MECR: variants seen among roughly 807,000 people sequenced by gnomAD.
The protein encoded by MECR is mitochondrial trans-2-enoyl-CoA reductase, also known as enoyl-[acyl-carrier-protein] reductase, mitochondrial.
A neutral mutation model predicts 49.1 loss-of-function variants in MECR; 37 were observed. The ratio of observed to expected loss-of-function variants is 0.75; its 90% CI spans 0.58 to 0.99. The LOEUF is 0.99. Ranked by LOEUF, MECR falls within the 50% of genes least tolerant of loss-of-function variation. MECR has a pLI of 0.00. For missense variants in MECR, 470 were observed against 479.6 expected (o/e 0.98, Z 0.19); for synonymous variants, 198 against 191.1 (o/e 1.04, Z -0.30).
chr1:29,204,605 A>C (rs983549053), intron 4 of MECR, among the ~76,000 whole-genome samples: 4 of 152,200 alleles, frequency 2.6e-5, no homozygotes, highest in Non-Finnish European at 5.9e-5. Flanking sequence ...AATTCTTACC[A>C]TGTGTCAAGA....
intron 1 of MECR, chr1:29,228,872 T>C (rs551550382): frequency 1.3e-5 from 2 of 152,276 alleles, no homozygotes; most frequent in Non-Finnish European, 2.9e-5. Flanking sequence ...ACTAACATTT[T>C]AGGAGCACCT....
chr1:29,219,451 C>T (rs1218447297), intron 1 of MECR, among the ~76,000 whole-genome samples: 1 of 152,154 alleles, frequency 6.6e-6, no homozygotes, highest in Non-Finnish European at 1.5e-5. Flanking sequence ...CCCTTCAAGG[C>T]CCAGTTCAAA....
chr1:29,170,204 G>A, the MECR span: 1 of 152,170 alleles, frequency 6.6e-6, no homozygotes, highest in East Asian at 1.9e-4. Flanking sequence ...ACTATTGCCT[G>A]ATGACAAGAA....
chr1:29,190,493 T>C (rs569181348), downstream of MECR, among the ~76,000 whole-genome samples: 57 of 151,904 alleles, frequency 3.8e-4, no homozygotes, highest in African/African-American at 1.2e-3. Context: ...AGGCCTGCTA[T>C]ATTTTAAAGA....
chr1:29,168,658 A>T, the MECR span: 1 of 152,194 alleles, frequency 6.6e-6, no homozygotes, highest in Non-Finnish European at 1.5e-5. Flanking sequence ...TAGAGGAAAA[A>T]TAAGATTATT....
chr1:29,216,465 C>T, intron 2 of MECR, 123 bp downstream of exon 2: 1 of 1,030,946 alleles, frequency 9.7e-7, no homozygotes, highest in Non-Finnish European at 1.5e-6. Context: ...CTGCAGACGG[C>T]TCATCTGGAG....
chr1:29,169,597 T>C, the MECR span: 1 of 152,092 alleles, frequency 6.6e-6, no homozygotes, highest in African/African-American at 2.4e-5. Flanking sequence ...AGGTAACAAA[T>C]CATTAAGAAA....
chr1:29,201,318 G>C lies in MECR; in HGVS notation c.756+625C>G, dbSNP rs1050198068. 8 of 513,286 alleles carry C rather than the reference G, an allele frequency of 1.6e-5. No homozygotes were observed. In the East Asian group the frequency reaches 3.3e-4, roughly 21 times the overall value. The allele number at this position is 513,286 out of a possible 1,614,324, so 31.8% of individuals were successfully genotyped here. On this transcript the variant is annotated intron_variant, in intron 6 of 9. Coordinates refer to ENST00000263702, the MANE Select transcript of MECR (RefSeq NM_016011.5). This position sits in a 1 kb window ranked among gnomAD's most constrained non-coding sequence, Gnocchi z 4.3. ...AAGAAGCGCATGCTCTTGAGTGTGT[G>C]TCTTTGGTTCCTCCAGATGGTTCAG...
chr1:29,200,607 T>G lies in MECR; in HGVS notation c.757-18A>C. The G allele has an allele frequency of 1.2e-6, 2 of 1,611,982 alleles. No individual in the cohort carries two copies. The highest frequency in any genetic ancestry group is 1.7e-6 in the Non-Finnish European group (2 of 1,178,180). ...GGCATGTCCTGGAAAACAACAAAAG[T>G]GCAGTGAGGGAGCATCCCCGCTCTA... On this transcript the variant is annotated intron_variant, in intron 6 of 9. Transcript: ENST00000263702.
downstream of MECR, among the ~76,000 whole-genome samples, chr1:29,190,798 T>TAA (rs1196883134): frequency 0.036 from 2,646 of 74,282 alleles, 36 homozygotes; most frequent in Middle Eastern, 0.14. Context: ...TCTCTCCAAA[T>TAA]AAAAAAAAAA....
the MECR span, among the ~76,000 whole-genome samples, chr1:29,186,865 A>C: frequency 6.6e-6 from 1 of 152,336 alleles, no homozygotes; most frequent in East Asian, 1.9e-4. Flanking sequence ...GGAACAACTC[A>C]CTTCACATCT....
chr1:29,214,523 G>A (rs1223553294), intron 3 of MECR, among the ~76,000 whole-genome samples: 1 of 150,504 alleles, frequency 6.6e-6, no homozygotes, highest in African/African-American at 2.5e-5. Context: ...CACCACACCC[G>A]GCTAATTTTT....
chr1:29,229,659 A>G (rs1387378882), intron 1 of MECR, among the ~76,000 whole-genome samples: 1 of 152,218 alleles, frequency 6.6e-6, no homozygotes, highest in Non-Finnish European at 1.5e-5. Context: ...ATCTTAGGTG[A>G]TTACCACTAT....
intron 5 of MECR, among the ~76,000 whole-genome samples, chr1:29,202,708 C>T (rs573141493): frequency 3.4e-4 from 52 of 152,280 alleles, no homozygotes; most frequent in Non-Finnish European, 6.2e-4. Flanking sequence ...GTCTCCTTCA[C>T]GTCTGTATTT....
At chr1:29,206,595 C>A (rs1388475604) in intron 4 of MECR, among the ~76,000 whole-genome samples, 167 bp downstream of exon 4, 3 of 152,106 alleles carry the variant, frequency 2.0e-5, no homozygotes, top group Non-Finnish European at 2.9e-5. Context: ...TTCCTAGGAA[C>A]CAAGCTAACA....
the MECR span, among the ~76,000 whole-genome samples, chr1:29,175,783 T>C: frequency 6.7e-6 from 1 of 149,170 alleles, no homozygotes; most frequent in African/African-American, 2.5e-5. Context: ...ATTTTAACTA[T>C]ACATAAAGAG....
At chr1:29,216,848 C>T (rs750873221) in intron 1 of MECR, 163 bp from the exon 2 acceptor site, 13 of 1,442,058 alleles carry the variant, frequency 9.0e-6, no homozygotes, top group Admixed American at 5.0e-5. Flanking sequence ...GAAATCAACA[C>T]AGGAGGCTGG....
chr1:29,223,868 C>T (rs1010335973), intron 1 of MECR: 7 of 152,158 alleles, frequency 4.6e-5, no homozygotes, highest in Non-Finnish European at 7.3e-5. Flanking sequence ...CCTGGGCTCT[C>T]GGGGAGAGCT....
downstream of MECR, among the ~76,000 whole-genome samples, chr1:29,188,654 T>C (rs1296684096): frequency 1.3e-5 from 2 of 151,810 alleles, no homozygotes; most frequent in Non-Finnish European, 2.9e-5. Context: ...TTGTCTTTTT[T>C]TTTTGAGACA....
Sources: allele counts gnomAD v4.1 joint callset (sites outside exome capture counted in the v4.1 genomes callset), GRCh38; gene constraint gnomAD v4.1.1; non-coding constraint Gnocchi (gnomAD v3.1); transcripts MANE v1.5; gene names NCBI Gene and HGNC (gene_info 2026-07-23, HGNC 2026-07-21).